The following EPB41L4B variants were observed in gnomAD, a reference collection of about 807,000 sequenced individuals.
EPB41L4B encodes band 4.1-like protein 4B.
Under a neutral mutation model 112.5 loss-of-function variants are expected in EPB41L4B, and 30 were observed. That is an observed-to-expected ratio of 0.27 (90% CI 0.20 to 0.36). The LOEUF is 0.36. Ranked by LOEUF, EPB41L4B falls within the 10% of genes least tolerant of loss-of-function variation. The probability of loss-of-function intolerance (pLI) is 1.00; values close to 1 mark genes in which losing one functional copy is unlikely to be tolerated. For missense variants in EPB41L4B, 1,024 were observed against 1,133.3 expected (o/e 0.90, Z 1.38); for synonymous variants, 408 against 439.7 (o/e 0.93, Z 0.90).
At chr9:109,248,307 A>G (rs186446170) in intron 13 of EPB41L4B, among the ~76,000 whole-genome samples, 126 of 152,276 alleles carry the variant, frequency 8.3e-4, no homozygotes, top group African/African-American at 2.9e-3. Context: ...TCTGGCCACC[A>G]CTTTGGAATG....
chr9:109,212,609 CCCATG>C, intron 17 of EPB41L4B, among the ~76,000 whole-genome samples: 1 of 152,202 alleles, frequency 6.6e-6, no homozygotes, highest in African/African-American at 2.4e-5. Context: ...GTGTAACCTT[CCCATG>C]CTGCACAGAG....
chr9:109,202,814 C>T (rs1392977422), intron 19 of EPB41L4B, among the ~76,000 whole-genome samples: 1 of 152,130 alleles, frequency 6.6e-6, no homozygotes, highest in African/African-American at 2.4e-5. Flanking sequence ...CACTACCGTG[C>T]AATCTATGCA....
intron 15 of EPB41L4B, among the ~76,000 whole-genome samples, chr9:109,239,360 T>C (rs1182168605): frequency 6.6e-6 from 1 of 152,140 alleles, no homozygotes; most frequent in Non-Finnish European, 1.5e-5. Context: ...GATTTGATTT[T>C]TGATAGGTGG....
chr9:109,250,660 T>C (rs1432584855), intron 13 of EPB41L4B, among the ~76,000 whole-genome samples: 1 of 152,132 alleles, frequency 6.6e-6, no homozygotes, highest in Admixed American at 6.5e-5. Flanking sequence ...ACAAGCTATA[T>C]GGGTCCCACC....
intron 15 of EPB41L4B, among the ~76,000 whole-genome samples, chr9:109,222,437 A>G (rs1369959853): frequency 6.6e-6 from 1 of 151,978 alleles, no homozygotes; most frequent in Non-Finnish European, 1.5e-5. Context: ...GCCCTGCGGA[A>G]CTCCTGGAGA....
chr9:109,319,156 A>G (rs944393344), intron 1 of EPB41L4B, among the ~76,000 whole-genome samples: 3 of 152,174 alleles, frequency 2.0e-5, no homozygotes, highest in African/African-American at 7.2e-5. Flanking sequence ...CCGGGTGCAC[A>G]GTGGGCGCCC....
At position 109,320,253 on chromosome 9, in the gene EPB41L4B, G is replaced by A. The variant is rs1326356438; in HGVS notation, c.194C>T (p.Pro65Leu). 2 of 1,229,140 alleles carry A rather than the reference G, an allele frequency of 1.6e-6. No individual in the cohort carries two copies. The highest frequency in any genetic ancestry group is 1.6e-5 in the African/African-American group (1 of 63,098). 76.1% of individuals were successfully genotyped at this position (1,229,140 alleles called of 1,614,324 possible). ...GGSVFPAGGG[P>L]LLTGGAAVHI... The stretch of plus-strand genomic sequence containing the variant: ...CACGGCCGCGCCGCCGGTGAGCAGG[G>A]GCCCGCCGCCCGCCGGGAACACGCT... Residue 65 changes from proline to leucine, a missense_variant, in exon 1 of 26, where the codon CCC becomes CTC. Physicochemically the swap from Pro to Leu is moderately conservative, Grantham distance 98. Transcript: ENST00000374566.
intron 1 of EPB41L4B, among the ~76,000 whole-genome samples, chr9:109,303,923 A>G (rs1214631251): frequency 6.6e-6 from 1 of 152,178 alleles, no homozygotes; most frequent in Non-Finnish European, 1.5e-5. Context: ...TATTCAAGCA[A>G]CTAGGCTGTT....
At chr9:109,223,615 A>G (rs532145503) in intron 15 of EPB41L4B, among the ~76,000 whole-genome samples, 1 of 152,278 alleles carries the variant, frequency 6.6e-6, no homozygotes, top group South Asian at 2.1e-4. Context: ...TGGGCTTTTC[A>G]GGGGAGCCCT....
intron 17 of EPB41L4B, among the ~76,000 whole-genome samples, chr9:109,209,074 T>C (rs1833074674): frequency 6.6e-6 from 1 of 152,150 alleles, no homozygotes; most frequent in African/African-American, 2.4e-5. Flanking sequence ...GAATCAAATG[T>C]CCCAAAGCTC....
At chr9:109,219,452 C>A (rs935306477) in intron 15 of EPB41L4B, among the ~76,000 whole-genome samples, 6 of 152,140 alleles carry the variant, frequency 3.9e-5, no homozygotes, top group African/African-American at 1.4e-4. Context: ...ACTCCGCCTC[C>A]CGGGTTCACG....
chr9:109,193,534 G>A lies in EPB41L4B; in HGVS notation c.2223+686C>T, dbSNP rs534427103. On this transcript the variant is annotated intron_variant, in intron 21 of 25. Transcript: ENST00000374566. ...AGCTGGGAACAGCCTCTGAAGCTCC[G>A]GTCTTGCCTTCAGGGCACCTGCCTC... Among the ~76,000 whole-genome samples, 20 of 152,316 alleles carry A rather than the reference G, an allele frequency of 1.3e-4. No individual in the cohort carries two copies. In the South Asian group the frequency reaches 1.9e-3, roughly 14 times the overall value.
intron 14 of EPB41L4B, among the ~76,000 whole-genome samples, chr9:109,246,439 C>T (rs1278275946): frequency 1.3e-5 from 2 of 152,084 alleles, no homozygotes; most frequent in African/African-American, 4.8e-5. Flanking sequence ...GGATTACACG[C>T]ATGAGCCACT....
At chr9:109,307,036 T>G (rs1204940182) in intron 1 of EPB41L4B, among the ~76,000 whole-genome samples, 5 of 142,532 alleles carry the variant, frequency 3.5e-5, no homozygotes, top group African/African-American at 1.3e-4. Context: ...TTTTTTTTTC[T>G]TCAAGAAATA....
At chr9:109,174,765 T>C in intron 25 of EPB41L4B, 142 bp from the exon 26 acceptor site, 1 of 653,896 alleles carries the variant, frequency 1.5e-6, no homozygotes, top group South Asian at 2.0e-5. Flanking sequence ...TATCTACATT[T>C]GCTAGCATTT....
chr9:109,255,371 C>G (rs1381765403), intron 11 of EPB41L4B, 140 bp downstream of exon 11: 2 of 925,614 alleles, frequency 2.2e-6, no homozygotes, highest in South Asian at 3.5e-5. Context: ...GCTTCAGTTA[C>G]TCACCTTAAG....
intron 17 of EPB41L4B, 71 bp downstream of exon 17, chr9:109,213,629 C>A: frequency 7.7e-7 from 1 of 1,292,458 alleles, no homozygotes; most frequent in East Asian, 2.3e-5. Context: ...AGCAGGCAGG[C>A]TAGGGTAGTA....
chr9:109,200,393 A>G (rs1832783501), intron 19 of EPB41L4B, 59 bp from the exon 20 acceptor site: 2 of 1,334,114 alleles, frequency 1.5e-6, no homozygotes. Flanking sequence ...GTCTCGTTTT[A>G]GCCATAGGGA....
chr9:109,207,817 G>A, intron 18 of EPB41L4B, 107 bp downstream of exon 18: 3 of 1,406,562 alleles, frequency 2.1e-6, no homozygotes, highest in Admixed American at 4.0e-5. Context: ...TCTCCTGACT[G>A]GACCCTGACT....
Sources: gnomAD v4.1 joint callset for allele counts (sites outside exome capture counted in the v4.1 genomes callset) on GRCh38, gnomAD v4.1.1 for gene constraint, MANE v1.5 for transcripts, NCBI Gene and HGNC (gene_info 2026-07-23, HGNC 2026-07-21) for gene names.